The following DLGAP1 variants were observed in gnomAD, a reference collection of about 807,000 sequenced individuals.
The protein encoded by DLGAP1 is disks large-associated protein 1.
A neutral mutation model predicts 90.8 loss-of-function variants in DLGAP1; 11 were observed. The observed-to-expected ratio is 0.12, with a 90% CI of 0.08 to 0.20. The LOEUF is 0.20. Among genes scored for constraint, DLGAP1 ranks in the 10% least tolerant of loss-of-function variants. The pLI is 1.00. For missense variants in DLGAP1, 1,050 were observed against 1,333.8 expected (o/e 0.79, Z 3.31); for synonymous variants, 558 against 540.7 (o/e 1.03, Z -0.44).
intron 1 of DLGAP1, among the ~76,000 whole-genome samples, chr18:4,194,127 A>G (rs1284246251): frequency 1.3e-5 from 2 of 152,128 alleles, no homozygotes; most frequent in African/African-American, 4.8e-5. Context: ...TGAGCATAGT[A>G]GCCAACAGTT....
intron 8 of DLGAP1, among the ~76,000 whole-genome samples, chr18:3,569,740 A>G (rs1381805519): frequency 1.3e-5 from 2 of 151,904 alleles, no homozygotes; most frequent in African/African-American, 2.4e-5. Context: ...GGCTCCGTTT[A>G]TTAACTAATT....
chr18:3,661,008 A>G (rs531057391), intron 7 of DLGAP1, among the ~76,000 whole-genome samples: 5 of 152,204 alleles, frequency 3.3e-5, no homozygotes, highest in Non-Finnish European at 5.9e-5. Flanking sequence ...AGTTATTCCC[A>G]TGCTGCAGGT....
intron 3 of DLGAP1, among the ~76,000 whole-genome samples, chr18:4,000,567 G>A (rs1003944045): frequency 6.6e-6 from 1 of 152,140 alleles, no homozygotes; most frequent in South Asian, 2.1e-4. Context: ...TTGGTTTTCC[G>A]AGGCTTGGTC....
chr18:3,712,487 C>T (rs1412389230), intron 7 of DLGAP1, among the ~76,000 whole-genome samples: 1 of 152,212 alleles, frequency 6.6e-6, no homozygotes. Flanking sequence ...CCACAAGGCA[C>T]TCCTTACAGA....
chr18:3,685,806 C>T (rs540457682), intron 7 of DLGAP1, among the ~76,000 whole-genome samples: 13 of 152,110 alleles, frequency 8.5e-5, no homozygotes, highest in Non-Finnish European at 1.6e-4. Flanking sequence ...CCTAGGAGCA[C>T]ATTGTATAAT....
At chr18:4,381,751 T>C (rs1041327478) in intron 1 of DLGAP1, among the ~76,000 whole-genome samples, 3 of 152,176 alleles carry the variant, frequency 2.0e-5, no homozygotes, top group East Asian at 3.9e-4. Context: ...TTCATACTGA[T>C]AGGCTCTCTT....
intron 7 of DLGAP1, among the ~76,000 whole-genome samples, chr18:3,681,758 C>T (rs1053732727): frequency 2.6e-5 from 4 of 152,242 alleles, no homozygotes; most frequent in Non-Finnish European, 5.9e-5. Context: ...GATGGTTTCT[C>T]GTGAATAGCT....
At chr18:3,539,889 A>G (rs567577950) in intron 9 of DLGAP1, among the ~76,000 whole-genome samples, 2 of 152,296 alleles carry the variant, frequency 1.3e-5, no homozygotes, top group African/African-American at 4.8e-5. Flanking sequence ...TATCCCTCTC[A>G]TTCACATAAT....
chr18:3,745,863 T>C (rs2063247415), intron 5 of DLGAP1, among the ~76,000 whole-genome samples: 1 of 152,020 alleles, frequency 6.6e-6, no homozygotes, highest in South Asian at 2.1e-4. Context: ...CTAATTTTTG[T>C]ATTTTTGTAG....
At chr18:4,192,258 G>A (rs1005479007) in intron 1 of DLGAP1, among the ~76,000 whole-genome samples, 1 of 152,040 alleles carries the variant, frequency 6.6e-6, no homozygotes, top group African/African-American at 2.4e-5. Flanking sequence ...TTTCTGTTCT[G>A]CTTTAAAGTG....
intron 1 of DLGAP1, among the ~76,000 whole-genome samples, chr18:4,187,159 G>A (rs180946061): frequency 6.6e-6 from 1 of 152,288 alleles, no homozygotes; most frequent in East Asian, 1.9e-4. Flanking sequence ...TGGGTCAAAA[G>A]TATGAAGTTT....
intron 1 of DLGAP1, among the ~76,000 whole-genome samples, chr18:4,271,739 T>TAC (rs1023214381): frequency 6.6e-6 from 1 of 152,216 alleles, no homozygotes; most frequent in African/African-American, 2.4e-5. Flanking sequence ...TCTCAATTAT[T>TAC]ACTTCTTAGT....
At chr18:3,502,067 A>AAAG (rs2049969018) in intron 12 of DLGAP1, 6 of 760,186 alleles carry the variant, frequency 7.9e-6, no homozygotes, top group Non-Finnish European at 8.0e-6. Context: ...AATGATTATC[A>AAAG]AAGTCAGTTA....
intron 3 of DLGAP1, among the ~76,000 whole-genome samples, chr18:3,893,868 C>T (rs1040084646): frequency 6.6e-6 from 1 of 152,056 alleles, no homozygotes; most frequent in Non-Finnish European, 1.5e-5. Context: ...TCTCCATATC[C>T]TTGCCAACGT....
At chr18:3,726,776 GTCACACCTT>G (rs1485521369) in intron 7 of DLGAP1, among the ~76,000 whole-genome samples, 2 of 152,220 alleles carry the variant, frequency 1.3e-5, no homozygotes, top group Non-Finnish European at 2.9e-5. Flanking sequence ...CCAGGGGCAA[GTCACACCTT>G]TCTGCCCTTA....
chr18:3,567,231 G>A (rs1835939639), intron 9 of DLGAP1, among the ~76,000 whole-genome samples: 1 of 151,944 alleles, frequency 6.6e-6, no homozygotes, highest in Non-Finnish European at 1.5e-5. Context: ...GTATAGTTTG[G>A]CAACCCAAGA....
rs535893092 is a variant in DLGAP1, at chr18:4,269,128, C to T, written c.-266-117841G>A. Reference sequence around the variant, plus strand: ...TCCCTTTTAAAGGATTAAATAAATCCATTGCTACTTACTGAATTTCTCCCA... The same window carrying T: ...TCCCTTTTAAAGGATTAAATAAATCTATTGCTACTTACTGAATTTCTCCCA... On this transcript the variant is annotated intron_variant, in intron 1 of 12. Transcript: ENST00000315677. 9.2e-5 allele frequency among the ~76,000 whole-genome samples: 14 copies of T among 151,630 alleles called. No individual in the cohort carries two copies. The South Asian group carries it at 2.9e-3, about 32-fold the overall frequency.
intron 2 of DLGAP1, among the ~76,000 whole-genome samples, chr18:4,062,209 A>C (rs2075308583): frequency 6.6e-6 from 1 of 152,172 alleles, no homozygotes; most frequent in Admixed American, 6.6e-5. Context: ...ACGGCAATAT[A>C]GTGATTTGCC....
chr18:4,339,006 T>C (rs2081132642), intron 1 of DLGAP1, among the ~76,000 whole-genome samples: 1 of 152,196 alleles, frequency 6.6e-6, no homozygotes, highest in Non-Finnish European at 1.5e-5. Context: ...GGGGACAAAA[T>C]AGTCATTTAA....
Sources: gnomAD v4.1 joint callset for allele counts (sites outside exome capture counted in the v4.1 genomes callset) on GRCh38, gnomAD v4.1.1 for gene constraint, MANE v1.5 for transcripts, NCBI Gene and HGNC (gene_info 2026-07-23, HGNC 2026-07-21) for gene names.